The following KLHL13 variants were observed in gnomAD, a reference collection of about 807,000 sequenced individuals.
KLHL13 encodes the protein kelch like family member 13.
In KLHL13, 10 loss-of-function variants were observed where a neutral mutation model predicts 37.1. That is an observed-to-expected ratio of 0.27 (90% CI 0.17 to 0.46). The LOEUF is 0.46. KLHL13 is among the 20% of genes least tolerant of loss of function. The pLI, the probability that KLHL13 is intolerant of heterozygous loss-of-function variation, is 1.00. For synonymous variants in KLHL13, 163 were observed against 181.2 expected, an observed-to-expected ratio of 0.90 and a Z score of 0.81; for missense variants, 360 against 509.3, an observed-to-expected ratio of 0.71 and a Z score of 2.82.
intron 1 of KLHL13, among the ~76,000 whole-genome samples, chrX:117,991,136 G>GAAAAAAAAAAAAAAAAAAAAAAAA (rs1491157152): frequency 2.7e-5 from 2 of 74,054 alleles, no homozygotes; most frequent in African/African-American, 3.0e-4. Flanking sequence ...TCATTAAAAA[G>GAAAAAAAAAAAAAAAAAAAAAAAA]TAAAAAAAAA....
intron 1 of KLHL13, among the ~76,000 whole-genome samples, chrX:118,115,086 C>T (rs1475073373): frequency 8.9e-6 from 1 of 112,302 alleles, no homozygotes; most frequent in Admixed American, 9.4e-5. Flanking sequence ...AACTCTTTTA[C>T]CGTTAAGTAT....
chrX:117,978,909 A>AAATC (rs201968345), intron 1 of KLHL13, among the ~76,000 whole-genome samples: 6,486 of 107,602 alleles, frequency 0.06, 513 homozygotes, highest in African/African-American at 0.21. Context: ...GTGGTAGTGG[A>AAATC]AATCAATGGT....
intron 2 of KLHL13, among the ~76,000 whole-genome samples, chrX:117,920,843 C>T (rs1406524705): frequency 2.7e-5 from 3 of 111,406 alleles, no homozygotes; most frequent in Non-Finnish European, 5.7e-5. Context: ...GTATTAAGTA[C>T]ACGATAGTTC....
Position 117,920,467 on chromosome X carries a change from T to A in KLHL13, c.241-97A>T, listed in dbSNP as rs1352441508. On this transcript the variant is annotated intron_variant, in intron 2 of 6. Transcript: ENST00000262820. ...GTTTGAATATTAATGTGGTGCAACA[T>A]ATGTGGAACATAAAGCCAACAGAAT... 5.7e-6 allele frequency: 5 copies of A among 869,915 alleles called. No homozygotes were observed. The East Asian group carries it at 1.7e-4, about 30-fold the overall frequency. 71.7% of individuals were successfully genotyped at this position (869,915 alleles called of 1,213,427 possible).
intron 1 of KLHL13, among the ~76,000 whole-genome samples, chrX:118,108,932 G>A (rs376046169): frequency 8.1e-5 from 9 of 111,237 alleles, no homozygotes; most frequent in African/African-American, 2.0e-4. Flanking sequence ...TAAACCTCTC[G>A]AGTAGCTGAG....
Position 117,944,204 on chromosome X carries a change from G to A in KLHL13, c.240+1230C>T, listed in dbSNP as rs147346323. On this transcript the variant is annotated intron_variant, in intron 2 of 6. Transcript: ENST00000262820. ...ACCCACCTTCTGCGTTGATCTTGCC[G>A]GGAGCTGCAGACCAGAGCTGTTCTA... is the stretch of plus-strand genomic sequence containing the variant. Among the ~76,000 whole-genome samples, 75 of 110,326 alleles carry A rather than the reference G, an allele frequency of 6.8e-4. No individual in the cohort carries two copies. In the East Asian group the frequency reaches 0.019, roughly 29 times the overall value.
At chrX:117,978,530 C>T (rs1451481891), upstream of KLHL13, among the ~76,000 whole-genome samples, 9 of 111,171 alleles carry the variant, frequency 8.1e-5, no homozygotes, top group Admixed American at 8.6e-4. Flanking sequence ...CTGATATTTA[C>T]ATAATACTTT....
chrX:117,951,008 T>C (rs769965733), intron 1 of KLHL13, among the ~76,000 whole-genome samples: 3 of 112,239 alleles, frequency 2.7e-5, no homozygotes, highest in South Asian at 3.7e-4. Context: ...CCATTTTCCA[T>C]TGGCTTTTTA....
At chrX:117,987,543 T>G (rs1156867552) in intron 1 of KLHL13, among the ~76,000 whole-genome samples, 1 of 111,929 alleles carries the variant, frequency 8.9e-6, no homozygotes, top group East Asian at 2.8e-4. Flanking sequence ...AAATACCCAG[T>G]AAGTACGCAA....
At chrX:118,020,941 T>C (rs1309351294) in intron 1 of KLHL13, among the ~76,000 whole-genome samples, 1 of 84,332 alleles carries the variant, frequency 1.2e-5, no homozygotes, top group Non-Finnish European at 2.2e-5. Flanking sequence ...AATTGAACAA[T>C]GAGAACACAT....
At chrX:117,918,463 A>G (rs954889158) in intron 4 of KLHL13, among the ~76,000 whole-genome samples, 2 of 111,804 alleles carry the variant, frequency 1.8e-5, no homozygotes, top group Admixed American at 1.9e-4. Flanking sequence ...ATATGAGTTA[A>G]AAAATTATAG....
chrX:118,056,947 C>G (rs1249385986), intron 1 of KLHL13, among the ~76,000 whole-genome samples: 1 of 112,082 alleles, frequency 8.9e-6, no homozygotes, highest in Non-Finnish European at 1.9e-5. Flanking sequence ...TTAAATCTAT[C>G]TATCTCAGCT....
At chrX:118,061,731 G>T (rs1269170966) in intron 1 of KLHL13, among the ~76,000 whole-genome samples, 1 of 111,611 alleles carries the variant, frequency 9.0e-6, no homozygotes, top group Non-Finnish European at 1.9e-5. Flanking sequence ...CATTCTTAAA[G>T]ATTACAAACA....
At chrX:117,907,328 G>T (rs943585227) in intron 5 of KLHL13, among the ~76,000 whole-genome samples, 1 of 111,317 alleles carries the variant, frequency 9.0e-6, no homozygotes, top group African/African-American at 3.3e-5. Context: ...ACTCCCAGAA[G>T]AATATGGCTT....
At chrX:118,006,702 GA>G (rs1159936620) in intron 1 of KLHL13, among the ~76,000 whole-genome samples, 1 of 111,469 alleles carries the variant, frequency 9.0e-6, no homozygotes, top group Non-Finnish European at 1.9e-5. Flanking sequence ...CAAGACAGGA[GA>G]AAGTATTTCT....
At chrX:117,935,723 C>A (rs1932743301) in intron 2 of KLHL13, among the ~76,000 whole-genome samples, 1 of 111,087 alleles carries the variant, frequency 9.0e-6, no homozygotes, top group African/African-American at 3.3e-5. Flanking sequence ...GAAATCCACC[C>A]TCATGATCCA....
intron 1 of KLHL13, chrX:117,945,844 G>A (rs1279253286): frequency 8.7e-6 from 2 of 229,432 alleles, no homozygotes; most frequent in Non-Finnish European, 1.6e-5. Context: ...AGTTTTTAAA[G>A]GCCACAGTAA....
rs977731945 is a variant in KLHL13 at position 117,963,827 on chromosome X, A to G, written c.98+8904T>C. Among the ~76,000 whole-genome samples, 3 of 107,114 alleles carry G rather than the reference A, an allele frequency of 2.8e-5. No homozygotes were observed. The East Asian group carries it at 8.9e-4, about 32-fold the overall frequency. 93.0% of individuals were successfully genotyped at this position (107,114 alleles called of 115,157 possible). ...ATTTCTCTGATGGCCAGTGATGATG[A>G]GCATTACATATACACCATGGAATAC... On this transcript the variant is annotated intron_variant, in intron 1 of 6. Transcript: ENST00000262820.
intron 1 of KLHL13, among the ~76,000 whole-genome samples, chrX:118,105,044 AAAAT>A (rs2055331430): frequency 8.9e-6 from 1 of 112,417 alleles, no homozygotes; most frequent in African/African-American, 3.2e-5. Context: ...TTTCCAGTTT[AAAAT>A]AAACACGCCC....
Sources: allele counts gnomAD v4.1 joint callset (sites outside exome capture counted in the v4.1 genomes callset), GRCh38; gene constraint gnomAD v4.1.1; transcripts MANE v1.5; gene names NCBI Gene and HGNC (gene_info 2026-07-23, HGNC 2026-07-21).